The following TNIK variants were observed in gnomAD, a reference collection of about 807,000 sequenced individuals.
The protein encoded by TNIK is TRAF2 and NCK-interacting protein kinase.
TNIK carries 49 observed loss-of-function variants against 191.3 expected under a neutral mutation model. The observed-to-expected ratio is 0.26, with a 90% confidence interval of 0.20 to 0.32. TNIK has a LOEUF of 0.32. Ranked by LOEUF, TNIK falls within the 10% of genes least tolerant of loss-of-function variation. The pLI is 1.00. For missense variants in TNIK, 1,155 were observed against 1,702.3 expected (o/e 0.68, Z 5.66); for synonymous variants, 594 against 600.9 (o/e 0.99, Z 0.17).
Position 171,138,398 on chromosome 3 carries a change from AGG to A in TNIK, c.1420-21_1420-20del. 1 of 1,513,098 alleles carries A rather than the reference AGG, an allele frequency of 6.6e-7. No individual in the cohort carries two copies. The highest frequency in any genetic ancestry group is 8.8e-7 in the Non-Finnish European group (1 of 1,132,494). 93.7% of individuals were successfully genotyped at this position (1,513,098 alleles called of 1,614,324 possible). ...TATATTCCTGTCCAGATCAGGAAAGAGGAGCAAAGAAAAGGCCAAATTATCAC... is the reference window on the plus strand; with the variant it reads ...TATATTCCTGTCCAGATCAGGAAAGAAGCAAAGAAAAGGCCAAATTATCAC... On this transcript the variant is annotated intron_variant, in intron 14 of 32. Coordinates refer to ENST00000436636, the MANE Select transcript of TNIK (RefSeq NM_015028.4).
chr3:171,121,386 A>C (rs1472260722), intron 18 of TNIK, among the ~76,000 whole-genome samples: 1 of 152,190 alleles, frequency 6.6e-6, no homozygotes, highest in Non-Finnish European at 1.5e-5. Flanking sequence ...ATACTGACTC[A>C]GGGCTTAGCC....
chr3:171,344,127 C>T (rs1254132014), intron 2 of TNIK, among the ~76,000 whole-genome samples: 1 of 152,166 alleles, frequency 6.6e-6, no homozygotes, highest in Non-Finnish European at 1.5e-5. Flanking sequence ...TTCCTTTAAA[C>T]CCCATCCCAT....
intron 10 of TNIK, among the ~76,000 whole-genome samples, chr3:171,162,300 G>T (rs938932629): frequency 1.1e-4 from 16 of 150,898 alleles, no homozygotes; most frequent in African/African-American, 2.4e-4. Flanking sequence ...TACAGGCACC[G>T]GTAGTCCCAG....
intron 2 of TNIK, among the ~76,000 whole-genome samples, chr3:171,301,578 G>T (rs1194545868): frequency 6.6e-6 from 1 of 152,198 alleles, no homozygotes; most frequent in Admixed American, 6.5e-5. Context: ...GCCTCCCAAA[G>T]TGCTGGGATT....
chr3:171,345,431 C>A (rs192901697), intron 2 of TNIK, among the ~76,000 whole-genome samples: 4 of 151,012 alleles, frequency 2.6e-5, no homozygotes, highest in African/African-American at 9.7e-5. Flanking sequence ...GTGAAAACAC[C>A]GAGTTTTTTT....
intron 31 of TNIK, 39 bp downstream of exon 31, chr3:171,066,537 G>C (rs999594412): frequency 6.2e-7 from 1 of 1,612,492 alleles, no homozygotes; most frequent in Non-Finnish European, 8.5e-7. Context: ...TCATTTGGGG[G>C]GTGTAACTGC....
rs904642025 is a variant in TNIK, at chr3:171,352,647, T to C, written c.123+16973A>G. 6.6e-5 allele frequency among the ~76,000 whole-genome samples: 10 copies of C among 152,206 alleles called. No individual in the cohort carries two copies. The East Asian group carries it at 1.9e-3, about 29-fold the overall frequency. On this transcript the variant is annotated intron_variant, in intron 2 of 32. Transcript: ENST00000436636. ...ACCCTATTTAAGTGAAAGTATTAAT[T>C]CCTTGGAGGAAATGCTTTAATACTG...
At chr3:171,326,254 G>A (rs148462146) in intron 2 of TNIK, among the ~76,000 whole-genome samples, 1 of 152,108 alleles carries the variant, frequency 6.6e-6, no homozygotes, top group Admixed American at 6.5e-5. Context: ...ATTTGTTAGT[G>A]TATTTCTTTG....
intron 1 of TNIK, among the ~76,000 whole-genome samples, chr3:171,440,662 A>G (rs1003265876): frequency 2.0e-5 from 3 of 152,232 alleles, no homozygotes; most frequent in Non-Finnish European, 4.4e-5. Context: ...AAATGGATAC[A>G]AGGATACACA....
intron 2 of TNIK, among the ~76,000 whole-genome samples, chr3:171,317,983 A>G (rs1342131763): frequency 6.6e-6 from 1 of 152,174 alleles, no homozygotes; most frequent in African/African-American, 2.4e-5. Context: ...TATTACTACT[A>G]TAGTGCTTGA....
rs1257639293 is a variant in TNIK at position 171,264,111 on chromosome 3, C to CACAT, written c.124-35891_124-35890insATGT. On this transcript the variant is annotated intron_variant, in intron 2 of 32. Transcript: ENST00000436636. ...ACACACACACACACACACACACACA[C>CACAT]ATATATATATATATATATATACACC... 5.2e-3 allele frequency among the ~76,000 whole-genome samples: 317 copies of CACAT among 60,954 alleles called. 1 individual carries two copies. Among genetic ancestry groups the CACAT allele is most frequent in the Admixed American group, 0.013 (88 of 7,036 alleles). 40.0% of individuals were successfully genotyped at this position (60,954 alleles called of 152,430 possible).
intron 31 of TNIK, 58 bp from the exon 32 acceptor site, chr3:171,066,384 G>A (rs1320066100): frequency 1.9e-6 from 3 of 1,596,192 alleles, no homozygotes; most frequent in African/African-American, 2.7e-5. Flanking sequence ...ATAACTCACA[G>A]CATCTGTTCA....
At chr3:171,205,245 A>T (rs1003546012) in intron 4 of TNIK, among the ~76,000 whole-genome samples, 2 of 152,054 alleles carry the variant, frequency 1.3e-5, no homozygotes, top group African/African-American at 4.8e-5. Context: ...TTCTTTCTTG[A>T]TTTGTCACCA....
intron 1 of TNIK, among the ~76,000 whole-genome samples, chr3:171,414,816 A>C (rs2108612950): frequency 6.6e-6 from 1 of 152,352 alleles, no homozygotes; most frequent in East Asian, 1.9e-4. Context: ...AAATCTGTCA[A>C]ATGGTATTTA....
intron 1 of TNIK, among the ~76,000 whole-genome samples, chr3:171,407,623 T>G (rs1322343730): frequency 6.6e-6 from 1 of 152,222 alleles, no homozygotes; most frequent in African/African-American, 2.4e-5. Context: ...ACAAACACTT[T>G]AGTTGGACAG....
chr3:171,385,827 C>T (rs1180668368), intron 1 of TNIK, among the ~76,000 whole-genome samples: 2 of 152,122 alleles, frequency 1.3e-5, no homozygotes, highest in Admixed American at 1.3e-4. Flanking sequence ...ATCAGGATTC[C>T]GTAAGCATTT....
intron 22 of TNIK, among the ~76,000 whole-genome samples, chr3:171,095,258 C>G (rs1722563547): frequency 6.6e-6 from 1 of 152,224 alleles, no homozygotes; most frequent in South Asian, 2.1e-4. Context: ...TGATGACTGA[C>G]TGCTCATAGT....
intron 18 of TNIK, among the ~76,000 whole-genome samples, chr3:171,117,160 C>G (rs1007415983): frequency 3.3e-5 from 5 of 152,096 alleles, no homozygotes; most frequent in Non-Finnish European, 7.4e-5. Flanking sequence ...GGGTAAATAA[C>G]AATAGGATCA....
intron 2 of TNIK, among the ~76,000 whole-genome samples, chr3:171,266,811 T>G (rs11927009): frequency 0.53 from 80,775 of 152,032 alleles, 22,398 homozygotes; most frequent in African/African-American, 0.65. Flanking sequence ...CTTCCAAGTT[T>G]AAAAAATCAG....
Sources: gnomAD v4.1 joint callset for allele counts (sites outside exome capture counted in the v4.1 genomes callset) on GRCh38, gnomAD v4.1.1 for gene constraint, MANE v1.5 for transcripts, NCBI Gene and HGNC (gene_info 2026-07-23, HGNC 2026-07-21) for gene names.